KIF18B: variants seen among roughly 807,000 people sequenced by gnomAD.
KIF18B encodes the protein kinesin family member 18B.
KIF18B carries 49 observed loss-of-function variants against 80.9 expected under a neutral mutation model. The ratio of observed to expected loss-of-function variants is 0.61; its 90% CI spans 0.48 to 0.77. The LOEUF (loss-of-function observed/expected upper bound fraction) is 0.77. Among genes scored for constraint, KIF18B ranks in the 30% least tolerant of loss-of-function variants. KIF18B has a pLI of 0.00. For missense variants in KIF18B, 994 were observed against 1,127.7 expected, an observed-to-expected ratio of 0.88 and a Z score of 1.70; for synonymous variants, 439 against 463.9, an observed-to-expected ratio of 0.95 and a Z score of 0.69.
intron 1 of KIF18B, among the ~76,000 whole-genome samples, chr17:44,938,230 G>A (rs753680274): frequency 1.3e-5 from 2 of 152,126 alleles, no homozygotes; most frequent in Admixed American, 6.5e-5. Flanking sequence ...TGGCCAGGCT[G>A]GTCTCAAACT....
At position 44,932,090 on chromosome 17, in the gene KIF18B, G is replaced by A; in HGVS notation, c.1355C>T (p.Ser452Phe). 4 of 1,613,722 alleles carry A rather than the reference G, an allele frequency of 2.5e-6. No individual in the cohort carries two copies. Among genetic ancestry groups the A allele is most frequent in the Non-Finnish European group, 3.4e-6 (4 of 1,179,774 alleles). Residue 452 changes from serine (S) to phenylalanine (F), a missense_variant, in exon 10 of 16, where the codon TCC (serine) becomes TTC (phenylalanine). Ser to Phe is a radical substitution (Grantham distance 155, BLOSUM62 -2). Transcript: ENST00000593135. ...MEGNSSDQEQ[S>F]PEDEDEGPAE... ...TGGGCCTTCATCCTCATCCTCTGGG[G>A]ACTGCTCCTGGTCTGAAGAGTTCCC... is the stretch of plus-strand genomic sequence containing the variant.
In KIF18B at chr17:44,927,644, TC is replaced by T. The variant is rs2052057616; in HGVS notation, c.2276+381del. Among the ~76,000 whole-genome samples the T allele has an allele frequency of 6.6e-6, 1 of 152,230 alleles. No homozygotes were observed. The highest frequency in any genetic ancestry group is 2.4e-5 in the African/African-American group (1 of 41,458). ...AGTAGAAGTGGCAGAAAGAGGTATT[TC>T]CCAGTGGAACATAGAATGCAGCCCA... On this transcript the variant is annotated intron_variant, in intron 13 of 15. Coordinates refer to ENST00000593135, the MANE Select transcript of KIF18B (RefSeq NM_001265577.2). This position sits in a 1 kb window ranked among gnomAD's most constrained non-coding sequence, Gnocchi z 4.1.
Position 44,934,054 on chromosome 17 carries a change from G to C in KIF18B, c.931C>G (p.Leu311Val), listed in dbSNP as rs11870769. The C allele has an allele frequency of 1.2e-6, 2 of 1,612,590 alleles. No homozygotes were observed. Among genetic ancestry groups the C allele is most frequent in the South Asian group, 2.2e-5 (2 of 90,690 alleles). The change falls in exon 7 of 16, where the codon CTG becomes GTG. Residue 311 changes from leucine to valine, a missense_variant. Coordinates refer to ENST00000593135, the MANE Select transcript of KIF18B (RefSeq NM_001265577.2). The surrounding 1 kb of genome is among the most constrained non-coding windows in gnomAD (Gnocchi z 5.4). ...VPYRDSKLTR[L>V]LKDSLGGNCR... ...TTGCCCCCGAGGGAGTCTTTGAGCA[G>C]GCGGGTCAGTTTGCTGTCCCGGTAG...
In KIF18B at chr17:44,926,463, G is replaced by C; in HGVS notation, c.2403C>G (p.Arg801=). The C allele has an allele frequency of 1.3e-6, 2 of 1,589,064 alleles. No individual in the cohort carries two copies. The highest frequency in any genetic ancestry group is 1.7e-6 in the Non-Finnish European group (2 of 1,168,928). ...SVSHGRSRIA[R]LPSSTLKRPA... is the part of the protein sequence containing the mutation. ...GCCTCTTCAAAGTGCTGCTGGGGAGGCGGGCGATGCGGCTGCGGCCATGGG... is the reference window on the plus strand; with the variant it reads ...GCCTCTTCAAAGTGCTGCTGGGGAGCCGGGCGATGCGGCTGCGGCCATGGG... Residue 801 remains arginine (R), a synonymous_variant, in exon 15 of 16, where the codon CGC becomes CGG. Transcript: ENST00000593135.
At chr17:44,936,590 CTCTCTCTCTATATATATATATATA>C (rs2052304729) in intron 1 of KIF18B, among the ~76,000 whole-genome samples, 6 of 59,054 alleles carry the variant, frequency 1.0e-4, no homozygotes, top group Non-Finnish European at 2.0e-4. Context: ...CTCTCTCTCT[CTCTCTCTCTATATATATATATATA>C]TATATATATA....
chr17:44,939,953 G>A (rs1247584711), intron 1 of KIF18B, among the ~76,000 whole-genome samples: 1 of 152,218 alleles, frequency 6.6e-6, no homozygotes, highest in Non-Finnish European at 1.5e-5. Flanking sequence ...ACAGGCGTGT[G>A]CCACCACGCC....
In KIF18B at chr17:44,933,945, C is replaced by G. The variant is rs767757178; in HGVS notation, c.1040G>C (p.Arg347Pro). 15 of 1,575,084 alleles carry G rather than the reference C, an allele frequency of 9.5e-6. No individual in the cohort carries two copies. The highest frequency in any genetic ancestry group is 1.2e-5 in the Non-Finnish European group (14 of 1,160,852). ...CACCGAGAGCCTGATCTCCTTGGCC[C>G]GGTCGGCATATTTGAGGGTGTTGTA... The part of the protein sequence containing the change: ...DTYNTLKYAD[R>P]AKEIRLSLKS... The change falls in exon 7 of 16, where the codon CGG becomes CCG. Residue 347 changes from arginine to proline, a missense_variant. Coordinates refer to ENST00000593135, the MANE Select transcript of KIF18B (RefSeq NM_001265577.2).
intron 1 of KIF18B, among the ~76,000 whole-genome samples, chr17:44,943,459 T>G (rs2052457174): frequency 6.6e-6 from 1 of 152,140 alleles, no homozygotes; most frequent in Non-Finnish European, 1.5e-5. Context: ...GTTGTTAGTT[T>G]CTTTCTAATC....
chr17:44,933,740 A>T (rs972698091), intron 7 of KIF18B, among the ~76,000 whole-genome samples, 183 bp downstream of exon 7: 2 of 151,894 alleles, frequency 1.3e-5, no homozygotes, highest in Admixed American at 6.6e-5. Flanking sequence ...TGATCTGCCC[A>T]CCTTGGTCTC....
chr17:44,946,444 G>A (rs1350134492), intron 1 of KIF18B, among the ~76,000 whole-genome samples: 1 of 152,152 alleles, frequency 6.6e-6, no homozygotes, highest in Non-Finnish European at 1.5e-5. Flanking sequence ...ATTGGAGAAA[G>A]CAATATAACA....
intron 2 of KIF18B, among the ~76,000 whole-genome samples, 191 bp from the exon 3 acceptor site, chr17:44,935,607 T>C (rs1597886713): frequency 6.6e-6 from 1 of 152,172 alleles, no homozygotes; most frequent in South Asian, 2.1e-4. Context: ...CATAGGCCAG[T>C]GGATTTGGGA....
chr17:44,936,578 CTCTCTCTCTCTCTCTCTCTCTATA>C (rs1200109399), intron 1 of KIF18B, among the ~76,000 whole-genome samples: 3 of 55,444 alleles, frequency 5.4e-5, no homozygotes, highest in Non-Finnish European at 1.1e-4. Flanking sequence ...CTCTCTCTCT[CTCTCTCTCTCTCTCTCTCTCTATA>C]TATATATATA....
intron 14 of KIF18B, among the ~76,000 whole-genome samples, 197 bp from the exon 15 acceptor site, chr17:44,926,696 C>G (rs553333308): frequency 6.6e-6 from 1 of 152,240 alleles, no homozygotes; most frequent in South Asian, 2.1e-4. Flanking sequence ...AGGGAAGTAG[C>G]AGTGAGGATG....
Position 44,925,967 on chromosome 17 carries a change from C to T in KIF18B, c.*113G>A. The T allele has an allele frequency of 1.8e-6, 2 of 1,089,284 alleles. No individual in the cohort carries two copies. The highest frequency in any genetic ancestry group is 2.8e-6 in the Non-Finnish European group (2 of 725,504). 67.5% of individuals were successfully genotyped at this position (1,089,284 alleles called of 1,614,324 possible). On this transcript the variant is annotated 3_prime_UTR_variant, in exon 16 of 16. Transcript: ENST00000593135. ...AAGGTGTGTTGGCACTAATTGCTCCCAGGTAAGGAAGGCAGGTCCAGCTCC... is the reference window on the plus strand; with the variant it reads ...AAGGTGTGTTGGCACTAATTGCTCCTAGGTAAGGAAGGCAGGTCCAGCTCC...
At chr17:44,944,082 T>C in intron 1 of KIF18B, among the ~76,000 whole-genome samples, 1 of 152,206 alleles carries the variant, frequency 6.6e-6, no homozygotes, top group Admixed American at 6.5e-5. Context: ...ATGTGTAAAT[T>C]ATATTAATAG....
Position 44,935,061 on chromosome 17 carries a change from G to A in KIF18B, c.472-126C>T, listed in dbSNP as rs1250806837. Reference sequence around the variant, plus strand: ...ACACCCACAGAAGTGGCGCTTCCCAGGACTGTGTTACATGACCACAGCAGG... The same window carrying A: ...ACACCCACAGAAGTGGCGCTTCCCAAGACTGTGTTACATGACCACAGCAGG... On this transcript the variant is annotated intron_variant, in intron 3 of 15. Transcript: ENST00000593135. 4.5e-6 allele frequency: 4 copies of A among 884,740 alleles called. 1 individual carries two copies. In the South Asian group the frequency reaches 5.3e-5, roughly 12 times the overall value. 54.8% of individuals were successfully genotyped at this position (884,740 alleles called of 1,614,324 possible).
At chr17:44,936,620 ATATATTTTTTTTTTT>A (rs1567796244) in intron 1 of KIF18B, among the ~76,000 whole-genome samples, 48 of 60,132 alleles carry the variant, frequency 8.0e-4, no homozygotes, top group African/African-American at 3.2e-3. Flanking sequence ...ATATATATAT[ATATATTTTTTTTTTT>A]TTTTTTTTTT....
At chr17:44,928,765 G>A in intron 12 of KIF18B, 54 bp downstream of exon 12, 4 of 1,565,332 alleles carry the variant, frequency 2.6e-6, no homozygotes, top group Non-Finnish European at 3.5e-6. Flanking sequence ...GCCCCAGTGG[G>A]GCCTTGAAGA....
In KIF18B at chr17:44,934,070, G is replaced by A. The variant is rs964391263; in HGVS notation, c.915C>T (p.Asp305=). The A allele has an allele frequency of 6.2e-7, 1 of 1,612,518 alleles. No homozygotes were observed. Among genetic ancestry groups the A allele is most frequent in the African/African-American group, 1.3e-5 (1 of 75,054 alleles). Residue 305 remains aspartate, a synonymous_variant, in exon 7 of 16, where the codon GAC becomes GAT. Transcript: ENST00000593135. This position sits in a 1 kb window ranked among gnomAD's most constrained non-coding sequence, Gnocchi z 5.4. The part of the protein sequence containing the change: ...KGRKTHVPYR[D]SKLTRLLKDS... ...CTTTGAGCAGGCGGGTCAGTTTGCTGTCCCGGTAGGGCACATGGGTCTTGC... is the reference window on the plus strand; with the variant it reads ...CTTTGAGCAGGCGGGTCAGTTTGCTATCCCGGTAGGGCACATGGGTCTTGC...
Sources: gnomAD v4.1 joint callset for allele counts (sites outside exome capture counted in the v4.1 genomes callset) on GRCh38, gnomAD v4.1.1 for gene constraint, Gnocchi (gnomAD v3.1) non-coding constraint, MANE v1.5 for transcripts, NCBI Gene and HGNC (gene_info 2026-07-23, HGNC 2026-07-21) for gene names.